The following ARHGAP24 variants were observed in gnomAD, a reference collection of about 807,000 sequenced individuals.
The protein encoded by ARHGAP24 is rho GTPase-activating protein 24.
In ARHGAP24, 50 loss-of-function variants were observed where a neutral mutation model predicts 76.4. That is an observed-to-expected ratio of 0.65 (90% CI 0.52 to 0.83). The LOEUF (loss-of-function observed/expected upper bound fraction) is 0.83, where lower values mean the gene tolerates loss of function less well. ARHGAP24 is among the 40% of genes least tolerant of loss of function. The probability of loss-of-function intolerance (pLI) is 0.00; values close to 1 mark genes in which losing one functional copy is unlikely to be tolerated. For missense variants in ARHGAP24, 930 were observed against 914.2 expected (o/e 1.02, Z -0.22); for synonymous variants, 345 against 323.3 (o/e 1.07, Z -0.72).
At chr4:85,800,298 C>T (rs1323839841) in intron 3 of ARHGAP24, among the ~76,000 whole-genome samples, 1 of 152,164 alleles carries the variant, frequency 6.6e-6, no homozygotes, top group African/African-American at 2.4e-5. Context: ...GTTATTGTGA[C>T]AATGAATCGG....
intron 1 of ARHGAP24, among the ~76,000 whole-genome samples, chr4:85,567,089 A>C (rs1247053197): frequency 1.3e-5 from 2 of 152,208 alleles, no homozygotes; most frequent in East Asian, 3.8e-4. Flanking sequence ...CAGATGATTC[A>C]GAGCCTTATA....
At chr4:85,758,771 C>A (rs1485885350) in intron 3 of ARHGAP24, among the ~76,000 whole-genome samples, 2 of 151,964 alleles carry the variant, frequency 1.3e-5, no homozygotes, top group Non-Finnish European at 2.9e-5. Context: ...TCTTCATGCA[C>A]CACACAGTGA....
intron 5 of ARHGAP24, among the ~76,000 whole-genome samples, chr4:85,955,618 C>A (rs1382711083): frequency 1.3e-5 from 2 of 152,134 alleles, no homozygotes; most frequent in Non-Finnish European, 2.9e-5. Context: ...CCAGGTAATT[C>A]TTATATGCAT....
chr4:85,479,244 A>G (rs559309434), intron 1 of ARHGAP24, among the ~76,000 whole-genome samples: 4 of 152,094 alleles, frequency 2.6e-5, no homozygotes, highest in Non-Finnish European at 5.9e-5. Flanking sequence ...TAGATGAAAT[A>G]TTGTGCTTTT....
intron 2 of ARHGAP24, among the ~76,000 whole-genome samples, chr4:85,665,746 A>T (rs1316857073): frequency 2.0e-5 from 3 of 152,108 alleles, no homozygotes; most frequent in African/African-American, 7.2e-5. Flanking sequence ...GCTTGTCTGT[A>T]AAGGATTTTA....
intron 3 of ARHGAP24, among the ~76,000 whole-genome samples, chr4:85,738,611 C>G (rs1395364514): frequency 2.6e-5 from 4 of 152,008 alleles, no homozygotes; most frequent in Non-Finnish European, 1.5e-5. Context: ...TCTGTCATGT[C>G]TAAGCAGGCT....
At chr4:85,497,275 G>A (rs1028357440) in intron 1 of ARHGAP24, among the ~76,000 whole-genome samples, 1 of 152,156 alleles carries the variant, frequency 6.6e-6, no homozygotes, top group South Asian at 2.1e-4. Flanking sequence ...GAGACCTAGA[G>A]ATAAAGTTTC....
chr4:85,624,790 G>C lies in ARHGAP24; in HGVS notation c.180+54069G>C, dbSNP rs189704731. Among the ~76,000 whole-genome samples, 1,279 of 152,194 alleles carry C rather than the reference G, an allele frequency of 8.4e-3. 21 individuals are homozygous for C. The highest frequency in any genetic ancestry group is 0.029 in the African/African-American group (1,221 of 41,526). ...TATTCAGGGATTCACCTTCTTCCTGGTTTAGTCTTTGGAGGATGTATGTGT... is the reference window on the plus strand; with the variant it reads ...TATTCAGGGATTCACCTTCTTCCTGCTTTAGTCTTTGGAGGATGTATGTGT... On this transcript the variant is annotated intron_variant, in intron 2 of 9. Transcript: ENST00000395184.
chr4:85,623,318 T>C (rs946549713), intron 2 of ARHGAP24, among the ~76,000 whole-genome samples: 3 of 152,222 alleles, frequency 2.0e-5, no homozygotes, highest in South Asian at 2.1e-4. Flanking sequence ...TACATATGGC[T>C]AGCCAGTTTT....
At chr4:85,950,482 C>A (rs1242934726) in intron 5 of ARHGAP24, among the ~76,000 whole-genome samples, 1 of 151,780 alleles carries the variant, frequency 6.6e-6, no homozygotes, top group African/African-American at 2.4e-5. Flanking sequence ...GCCTCGGTGG[C>A]AGAGCAAGAC....
intron 1 of ARHGAP24, among the ~76,000 whole-genome samples, chr4:85,520,050 G>A (rs1724676834): frequency 6.6e-6 from 1 of 151,998 alleles, no homozygotes; most frequent in South Asian, 2.1e-4. Context: ...GAAGCAATTT[G>A]TACACCTTTT....
intron 3 of ARHGAP24, among the ~76,000 whole-genome samples, chr4:85,866,516 G>A (rs1732210202): frequency 6.6e-6 from 1 of 152,100 alleles, no homozygotes; most frequent in Non-Finnish European, 1.5e-5. Context: ...ATTCAGTGCA[G>A]AGATCTTTTG....
chr4:85,882,991 C>T (rs900602441), intron 3 of ARHGAP24, among the ~76,000 whole-genome samples: 18 of 152,132 alleles, frequency 1.2e-4, no homozygotes, highest in African/African-American at 4.3e-4. Context: ...CTGACCGAGA[C>T]TGTGGAAGAA....
At chr4:85,810,492 C>G (rs533397165) in intron 3 of ARHGAP24, among the ~76,000 whole-genome samples, 1 of 152,194 alleles carries the variant, frequency 6.6e-6, no homozygotes, top group Non-Finnish European at 1.5e-5. Flanking sequence ...AGTTCATCCA[C>G]TCAACATGGC....
chr4:85,764,236 A>G (rs1199790387), intron 3 of ARHGAP24, among the ~76,000 whole-genome samples: 1 of 151,814 alleles, frequency 6.6e-6, no homozygotes, highest in Non-Finnish European at 1.5e-5. Flanking sequence ...TTTTAAATTT[A>G]TTATCATAAA....
chr4:85,896,726 C>G (rs1157839582), intron 3 of ARHGAP24, among the ~76,000 whole-genome samples: 1 of 152,110 alleles, frequency 6.6e-6, no homozygotes, highest in Non-Finnish European at 1.5e-5. Context: ...CCTCTCAGCC[C>G]CCAATATTGC....
chr4:86,000,442 C>CGGGGGGGGGGGGGGGGGGGGGGG, intron 9 of ARHGAP24, 37 bp from the exon 10 acceptor site: 1 of 807,894 alleles, frequency 1.2e-6, no homozygotes, highest in Non-Finnish European at 1.9e-6. Flanking sequence ...CTTACTCTTG[C>CGGGGGGGGGGGGGGGGGGGGGGG]GTCCCCACCC....
intron 3 of ARHGAP24, among the ~76,000 whole-genome samples, chr4:85,736,728 G>C (rs543811807): frequency 2.0e-5 from 3 of 152,284 alleles, no homozygotes; most frequent in South Asian, 4.1e-4. Context: ...TGTTTCTGCT[G>C]TATCTCTTAG....
intron 4 of ARHGAP24, among the ~76,000 whole-genome samples, chr4:85,937,299 A>G (rs1248389032): frequency 6.6e-6 from 1 of 152,144 alleles, no homozygotes; most frequent in East Asian, 1.9e-4. Context: ...TTTTGGGGGG[A>G]TAGCTTGTAC....
Sources: allele counts gnomAD v4.1 joint callset (sites outside exome capture counted in the v4.1 genomes callset), GRCh38; gene constraint gnomAD v4.1.1; transcripts MANE v1.5; gene names NCBI Gene and HGNC (gene_info 2026-07-23, HGNC 2026-07-21).